KCNK12: variants seen among roughly 807,000 people sequenced by gnomAD.
KCNK12 encodes potassium two pore domain channel subfamily K member 12.
In KCNK12, 6 loss-of-function variants were observed where a neutral mutation model predicts 25.3. The ratio of observed to expected loss-of-function variants is 0.24; its 90% CI spans 0.13 to 0.47. KCNK12 has a LOEUF of 0.47. Among genes scored for constraint, KCNK12 ranks in the 20% least tolerant of loss-of-function variants. The probability of loss-of-function intolerance (pLI) is 0.99; values close to 1 mark genes in which losing one functional copy is unlikely to be tolerated. For synonymous variants in KCNK12, 331 were observed against 311.1 expected (o/e 1.06, Z -0.67); for missense variants, 444 against 661.7 (o/e 0.67, Z 3.61).
chr2:47,534,356 T>C (rs1264252740), intron 1 of KCNK12, among the ~76,000 whole-genome samples: 2 of 151,670 alleles, frequency 1.3e-5, no homozygotes, highest in Non-Finnish European at 1.5e-5. Context: ...TTTAACAACC[T>C]CTCCTGGGGA....
intron 1 of KCNK12, among the ~76,000 whole-genome samples, chr2:47,554,877 A>C (rs977655130): frequency 1.3e-5 from 2 of 152,242 alleles, no homozygotes; most frequent in Non-Finnish European, 2.9e-5. Flanking sequence ...GGATGGAATC[A>C]GAATGTATTA....
rs1558567896 is a variant in KCNK12, at chr2:47,566,974, A to T, written c.391+2967T>A. 6.6e-6 allele frequency: 1 copy of T among 152,246 alleles called. No homozygotes were observed. Among genetic ancestry groups the T allele is most frequent in the Non-Finnish European group, 1.5e-5 (1 of 68,044 alleles). 9.4% of individuals were successfully genotyped at this position (152,246 alleles called of 1,614,324 possible). A position where few individuals can be genotyped will look rare whatever the true frequency, so the allele number is the denominator to read the frequency against. Reference sequence around the variant, plus strand: ...ACGTTGCTCATAAATGCTGTGATCCAGCTGCCCATGTTGGAATATGCCTTA... The same window carrying T: ...ACGTTGCTCATAAATGCTGTGATCCTGCTGCCCATGTTGGAATATGCCTTA... On this transcript the variant is annotated intron_variant, in intron 1 of 1. Transcript: ENST00000327876. The surrounding 1 kb of genome is among the most constrained non-coding windows in gnomAD (Gnocchi z 4.1).
Position 47,557,039 on chromosome 2 carries a change from G to C in KCNK12, c.391+12902C>G, listed in dbSNP as rs1389002725. Among the ~76,000 whole-genome samples the C allele has an allele frequency of 6.6e-6, 1 of 152,222 alleles. No individual in the cohort carries two copies. Among genetic ancestry groups the C allele is most frequent in the Non-Finnish European group, 1.5e-5 (1 of 68,044 alleles). The stretch of plus-strand genomic sequence containing the variant: ...CATCATCTGTGGGAGGCTGGAGAAG[G>C]CTGGAGAGGAACTCAGTGAGGCAGA... On this transcript the variant is annotated intron_variant, in intron 1 of 1. Coordinates refer to ENST00000327876, the MANE Select transcript of KCNK12 (RefSeq NM_022055.2). This position sits in a 1 kb window ranked among gnomAD's most constrained non-coding sequence, Gnocchi z 4.9.
In KCNK12 at chr2:47,569,825, A is replaced by C. The variant is rs1401627877; in HGVS notation, c.391+116T>G. 1 of 814,882 alleles carries C rather than the reference A, an allele frequency of 1.2e-6. No individual in the cohort carries two copies. The highest frequency in any genetic ancestry group is 1.7e-6 in the Non-Finnish European group (1 of 592,344). The allele number at this position is 814,882 out of a possible 1,614,324, so 50.5% of individuals were successfully genotyped here. A position where few individuals can be genotyped will look rare whatever the true frequency, so the allele number is the denominator to read the frequency against. ...AAGAGGGCGAGACGAAAGTAAGCAAAGGGACATTAGAAGGGAAGGCAGAGC... is the reference window on the plus strand; with the variant it reads ...AAGAGGGCGAGACGAAAGTAAGCAACGGGACATTAGAAGGGAAGGCAGAGC... On this transcript the variant is annotated intron_variant, in intron 1 of 1. Coordinates refer to ENST00000327876, the MANE Select transcript of KCNK12 (RefSeq NM_022055.2). This position sits in a 1 kb window ranked among gnomAD's most constrained non-coding sequence, Gnocchi z 4.1.
Position 47,521,646 on chromosome 2 carries a change from C to T in KCNK12, c.554G>A (p.Arg185His). 6.3e-7 allele frequency: 1 copy of T among 1,588,892 alleles called. No homozygotes were observed. The highest frequency in any genetic ancestry group is 8.5e-7 in the Non-Finnish European group (1 of 1,170,776). The change falls in exon 2 of 2, where the codon CGC becomes CAC. Residue 185 changes from arginine to histidine, a missense_variant. This residue lies in a region of KCNK12 where 36 missense variants were observed against 36.4 expected (regional missense o/e 0.99). Coordinates refer to ENST00000327876, the MANE Select transcript of KCNK12 (RefSeq NM_022055.2). ...IMRACRERQL[R>H]RSGLLPATFR... ...GGTGGCGGGCAGCAGGCCGCTGCGG[C>T]GCAGCTGGCGCTCCCGGCAGGCGCG...
In KCNK12 at chr2:47,515,985, C is replaced by T. The variant is rs538013025; in HGVS notation, c.*4922G>A. 1.8e-4 allele frequency among the ~76,000 whole-genome samples: 27 copies of T among 152,246 alleles called. No homozygotes were observed. The highest frequency in any genetic ancestry group is 4.8e-4 in the African/African-American group (20 of 41,542). ...CAATTGTGGAGGACTTTACACTTTT[C>T]GGAGTTCCTAGCCCCTCACTTATTT... On this transcript the variant is annotated 3_prime_UTR_variant, in exon 2 of 2. Coordinates refer to ENST00000327876, the MANE Select transcript of KCNK12 (RefSeq NM_022055.2).
Position 47,562,084 on chromosome 2 carries a change from C to T in KCNK12, c.391+7857G>A. 2.5e-6 allele frequency: 1 copy of T among 398,558 alleles called. No individual in the cohort carries two copies. The allele number at this position is 398,558 out of a possible 1,614,324, so 24.7% of individuals were successfully genotyped here. A position where few individuals can be genotyped will look rare whatever the true frequency, so the allele number is the denominator to read the frequency against. ...CCTGACTCACCGCTGTTCTCTCTAC[C>T]CTAGCGACTCCAAGTGCATCAGCAT... On this transcript the variant is annotated intron_variant, in intron 1 of 1. Transcript: ENST00000327876. This position sits in a 1 kb window ranked among gnomAD's most constrained non-coding sequence, Gnocchi z 4.8.
rs1007831913 is a variant in KCNK12 at position 47,513,846 on chromosome 2, T to C, written c.*7061A>G. On this transcript the variant is annotated 3_prime_UTR_variant, in exon 2 of 2. Coordinates refer to ENST00000327876, the MANE Select transcript of KCNK12 (RefSeq NM_022055.2). Reference sequence around the variant, plus strand: ...TCATTGATTCTGTGGACCTACTCTTTCGGGTGTCCCTCAAATCTCTCCACG... The same window carrying C: ...TCATTGATTCTGTGGACCTACTCTTCCGGGTGTCCCTCAAATCTCTCCACG... Among the ~76,000 whole-genome samples, 2 of 152,144 alleles carry C rather than the reference T, an allele frequency of 1.3e-5. No individual in the cohort carries two copies. Among genetic ancestry groups the C allele is most frequent in the Non-Finnish European group, 2.9e-5 (2 of 68,034 alleles).
chr2:47,517,927 G>T lies in KCNK12; in HGVS notation c.*2980C>A, dbSNP rs1470572739. 2.0e-5 allele frequency: 3 copies of T among 152,246 alleles called. No homozygotes were observed. Among genetic ancestry groups the T allele is most frequent in the African/African-American group, 7.2e-5 (3 of 41,432 alleles). The allele number at this position is 152,246 out of a possible 1,614,324, so 9.4% of individuals were successfully genotyped here. ...CATGATGGGTAAGTCCAGGCCTAAG[G>T]TTAGGAAGCAAATCCTGGAGCATGA... On this transcript the variant is annotated 3_prime_UTR_variant, in exon 2 of 2. Transcript: ENST00000327876. The surrounding 1 kb of genome is among the most constrained non-coding windows in gnomAD (Gnocchi z 4.1).
At position 47,540,151 on chromosome 2, in the gene KCNK12, G is replaced by T. The variant is rs931646910; in HGVS notation, c.392-18343C>A. Among the ~76,000 whole-genome samples, 3 of 152,222 alleles carry T rather than the reference G, an allele frequency of 2.0e-5. No homozygotes were observed. Among genetic ancestry groups the T allele is most frequent in the Non-Finnish European group, 4.4e-5 (3 of 68,044 alleles). ...TATGCTTCTTCAGCTCCTTATCAAG[G>T]TTAGGCCTCCACAAAGGGTGGAGCA... On this transcript the variant is annotated intron_variant, in intron 1 of 1. Transcript: ENST00000327876. This position sits in a 1 kb window ranked among gnomAD's most constrained non-coding sequence, Gnocchi z 5.4.
rs1668487717 is a variant in KCNK12 at position 47,515,018 on chromosome 2, T to A, written c.*5889A>T. 6.6e-6 allele frequency among the ~76,000 whole-genome samples: 1 copy of A among 152,142 alleles called. No homozygotes were observed. The highest frequency in any genetic ancestry group is 2.1e-4 in the South Asian group (1 of 4,826). On this transcript the variant is annotated 3_prime_UTR_variant, in exon 2 of 2. Transcript: ENST00000327876. Reference sequence around the variant, plus strand: ...ATCCAGGGATCACTGGAGTGTCATATGAAATGTTATAGGAATCACAGGCCT... The same window carrying A: ...ATCCAGGGATCACTGGAGTGTCATAAGAAATGTTATAGGAATCACAGGCCT...
At chr2:47,543,453 T>C (rs1266326871) in intron 1 of KCNK12, 1 of 152,036 alleles carries the variant, frequency 6.6e-6, no homozygotes, top group Admixed American at 6.6e-5. Context: ...CAGTGTGAGG[T>C]CACTTTGTGA....
chr2:47,534,342 C>T (rs897372627), intron 1 of KCNK12, among the ~76,000 whole-genome samples: 1 of 151,942 alleles, frequency 6.6e-6, no homozygotes, highest in African/African-American at 2.4e-5. Flanking sequence ...CCGGGTAGCT[C>T]CCGTTTAACA....
intron 1 of KCNK12, among the ~76,000 whole-genome samples, chr2:47,561,243 G>A (rs1669663535): frequency 6.6e-6 from 1 of 152,146 alleles, no homozygotes; most frequent in African/African-American, 2.4e-5. Flanking sequence ...CGGGTGTGGG[G>A]GGCAGAGAAG....
rs1668577491 is a variant in KCNK12, at chr2:47,518,633, T to G, written c.*2274A>C. On this transcript the variant is annotated 3_prime_UTR_variant, in exon 2 of 2. Coordinates refer to ENST00000327876, the MANE Select transcript of KCNK12 (RefSeq NM_022055.2). The surrounding 1 kb of genome is among the most constrained non-coding windows in gnomAD (Gnocchi z 4.1). ...TAGTCCTGCACGCTGGGCGGGGGAT[T>G]GCCTGGAGGTTTCTTTAGACCTGTC... 6.6e-6 allele frequency: 1 copy of G among 152,384 alleles called. No homozygotes were observed. The allele number at this position is 152,384 out of a possible 1,614,324, so 9.4% of individuals were successfully genotyped here.
At chr2:47,550,616 C>T (rs1261699874) in intron 1 of KCNK12, among the ~76,000 whole-genome samples, 2 of 151,996 alleles carry the variant, frequency 1.3e-5, no homozygotes, top group African/African-American at 4.8e-5. Flanking sequence ...CTCCTGACCT[C>T]AAGTGACCCA....
chr2:47,533,908 G>A lies in KCNK12; in HGVS notation c.392-12100C>T, dbSNP rs1573635269. ...CCAGTGCACCCCTCTTGCATTGGGT[G>A]CGCAGTGATCCGGACAGAGAGGCTC... is the stretch of plus-strand genomic sequence containing the variant. On this transcript the variant is annotated intron_variant, in intron 1 of 1. Coordinates refer to ENST00000327876, the MANE Select transcript of KCNK12 (RefSeq NM_022055.2). This position sits in a 1 kb window ranked among gnomAD's most constrained non-coding sequence, Gnocchi z 4.7. 6.6e-6 allele frequency among the ~76,000 whole-genome samples: 1 copy of A among 152,028 alleles called. No homozygotes were observed. The highest frequency in any genetic ancestry group is 2.4e-5 in the African/African-American group (1 of 41,368).
intron 1 of KCNK12, among the ~76,000 whole-genome samples, chr2:47,532,065 C>CA (rs761399821): frequency 3.3e-4 from 50 of 151,918 alleles, no homozygotes; most frequent in Non-Finnish European, 4.4e-4. Flanking sequence ...CCCCCAAAAA[C>CA]AAAAAACAAT....
At position 47,529,036 on chromosome 2, in the gene KCNK12, G is replaced by A. The variant is rs1668860201; in HGVS notation, c.392-7228C>T. 1 of 152,260 alleles carries A rather than the reference G, an allele frequency of 6.6e-6. No homozygotes were observed. 9.4% of individuals were successfully genotyped at this position (152,260 alleles called of 1,614,324 possible). On this transcript the variant is annotated intron_variant, in intron 1 of 1. Coordinates refer to ENST00000327876, the MANE Select transcript of KCNK12 (RefSeq NM_022055.2). This position sits in a 1 kb window ranked among gnomAD's most constrained non-coding sequence, Gnocchi z 4.3. ...GTTTGTACGTGGCTGAGCTGGCCCT[G>A]AAGCCCATGCCCTTTCCACTTGCCA...
Sources: gnomAD v4.1 joint callset for allele counts (sites outside exome capture counted in the v4.1 genomes callset) on GRCh38, gnomAD v4.1.1 for gene constraint, gnomAD v4.1.1 regional missense constraint, Gnocchi (gnomAD v3.1) non-coding constraint, MANE v1.5 for transcripts, NCBI Gene and HGNC (gene_info 2026-07-23, HGNC 2026-07-21) for gene names.